PAQR7: variants seen among roughly 807,000 people sequenced by gnomAD.
PAQR7 encodes membrane progestin receptor alpha.
Under a neutral mutation model 24.6 loss-of-function variants are expected in PAQR7, and 14 were observed. The ratio of observed to expected loss-of-function variants is 0.57; its 90% CI spans 0.38 to 0.89. PAQR7 has a LOEUF of 0.89. Among genes scored for constraint, PAQR7 ranks in the 40% least tolerant of loss-of-function variants. The pLI is 0.00. For missense variants in PAQR7, 351 were observed against 444.0 expected (o/e 0.79, Z 1.88); for synonymous variants, 189 against 198.8 (o/e 0.95, Z 0.42).
Position 25,863,735 on chromosome 1 carries a change from T to C in PAQR7, c.105A>G (p.Arg35=), listed in dbSNP as rs1444187940. The C allele has an allele frequency of 1.2e-6, 2 of 1,613,558 alleles. No homozygotes were observed. Among genetic ancestry groups the C allele is most frequent in the Non-Finnish European group, 1.7e-6 (2 of 1,179,916 alleles). ...TCCAGAAGAGCGGCGGCACCTCAGC[T>C]CGATCCACCGTGAAGACAGGCTCTG... ...LQPEPVFTVD[R]AEVPPLFWKP... is the part of the protein sequence containing the mutation. Residue 35 remains arginine (R), a synonymous_variant, in exon 3 of 3, where the codon CGA becomes CGG. Transcript: ENST00000675840. The surrounding 1 kb of genome is among the most constrained non-coding windows in gnomAD (Gnocchi z 6.1).
rs534941928 is a variant in PAQR7, at chr1:25,864,931, C to T, written c.-22-1070G>A. On this transcript the variant is annotated intron_variant, in intron 2 of 2. Coordinates refer to ENST00000675840, the MANE Select transcript of PAQR7 (RefSeq NM_178422.6). ...CAGCACTTTGGGAGGCTGAGACGGGCGGATCACAAGGTCAGGAGATGGAGA... is the reference window on the plus strand; with the variant it reads ...CAGCACTTTGGGAGGCTGAGACGGGTGGATCACAAGGTCAGGAGATGGAGA... Among the ~76,000 whole-genome samples the T allele has an allele frequency of 7.9e-5, 12 of 151,834 alleles. No homozygotes were observed. The South Asian group carries it at 8.4e-4, about 11-fold the overall frequency.
rs780607212 is a variant in PAQR7 at position 25,863,702 on chromosome 1, G to A, written c.138C>T (p.Tyr46=). Residue 46 remains tyrosine (Y), a synonymous_variant, in exon 3 of 3, where the codon TAC becomes TAT. Transcript: ENST00000675840. The surrounding 1 kb of genome is among the most constrained non-coding windows in gnomAD (Gnocchi z 6.1). ...AEVPPLFWKP[Y]IYAGYRPLHQ... is the part of the protein sequence containing the mutation. ...GCAGCGGCCGGTAGCCCGCATAGAT[G>A]TACGGCTTCCAGAAGAGCGGCGGCA... 3.1e-6 allele frequency: 5 copies of A among 1,614,206 alleles called. No individual in the cohort carries two copies. The Admixed American group carries it at 5.0e-5, about 16-fold the overall frequency.
rs549972771 is a variant in PAQR7, at chr1:25,864,824, T to C, written c.-22-963A>G. On this transcript the variant is annotated intron_variant, in intron 2 of 2. Coordinates refer to ENST00000675840, the MANE Select transcript of PAQR7 (RefSeq NM_178422.6). ...CTGATCACACTACTACTCTCAAGCT[T>C]GATCAAGCTTGATCTCAAGCGAGAT... 6.6e-5 allele frequency among the ~76,000 whole-genome samples: 10 copies of C among 151,946 alleles called. No individual in the cohort carries two copies. The South Asian group carries it at 2.1e-3, about 32-fold the overall frequency.
intron 1 of PAQR7, 79 bp from the exon 2 acceptor site, chr1:25,870,773 G>T: frequency 6.6e-6 from 1 of 152,166 alleles, no homozygotes; most frequent in East Asian, 1.9e-4. Flanking sequence ...CAGAGCAGAT[G>T]GACTTCAGAT....
rs72879469 is a variant in PAQR7 at position 25,863,960 on chromosome 1, C to T, written c.-22-99G>A. On this transcript the variant is annotated intron_variant, in intron 2 of 2. Transcript: ENST00000675840. The surrounding 1 kb of genome is among the most constrained non-coding windows in gnomAD (Gnocchi z 6.1). ...TGCCCAAATCCTACTCCCTCCTCTC[C>T]GACAGCCTTATCCTTACACTCGGTT... 7,543 of 844,586 alleles carry T rather than the reference C, an allele frequency of 8.9e-3. 299 individuals carry two copies. The African/African-American group carries it at 0.094, about 11-fold the overall frequency. 52.3% of individuals were successfully genotyped at this position (844,586 alleles called of 1,614,324 possible). A position where few individuals can be genotyped will look rare whatever the true frequency, so the allele number is the denominator to read the frequency against.
Position 25,863,657 on chromosome 1 carries a change from A to G in PAQR7, c.183T>C (p.Tyr61=). Residue 61 remains tyrosine (Y), a synonymous_variant, in exon 3 of 3, where the codon TAT becomes TAC. Coordinates refer to ENST00000675840, the MANE Select transcript of PAQR7 (RefSeq NM_178422.6). The surrounding 1 kb of genome is among the most constrained non-coding windows in gnomAD (Gnocchi z 6.1). ...YRPLHQTWRF[Y]FRTLFQQHNE... ...TGTGCTGCTGGAACAGCGTGCGGAA[A>G]TAGAAGCGCCAGGTCTGATGCAGCG... 6.2e-7 allele frequency: 1 copy of G among 1,614,164 alleles called. No homozygotes were observed.
chr1:25,871,400 T>A (rs1457964779), intron 1 of PAQR7: 1 of 152,226 alleles, frequency 6.6e-6, no homozygotes, highest in East Asian at 1.9e-4. Flanking sequence ...TAGCAGGTGA[T>A]CCAAATGGCA....
intron 2 of PAQR7, among the ~76,000 whole-genome samples, chr1:25,867,133 C>G (rs888007626): frequency 2.6e-5 from 4 of 152,162 alleles, no homozygotes; most frequent in Non-Finnish European, 5.9e-5. Flanking sequence ...TCAAGCAATC[C>G]TCCTATCAGC....
chr1:25,868,480 A>C (rs895631236), intron 2 of PAQR7, among the ~76,000 whole-genome samples: 7 of 151,008 alleles, frequency 4.6e-5, no homozygotes, highest in Non-Finnish European at 1.0e-4. Context: ...AGGCCGAGGC[A>C]GGTGGATCAC....
At chr1:25,874,532 T>G (rs1180288277) in intron 1 of PAQR7, among the ~76,000 whole-genome samples, 2 of 152,128 alleles carry the variant, frequency 1.3e-5, no homozygotes, top group African/African-American at 4.8e-5. Flanking sequence ...AAACTAAGGC[T>G]GGAGAGGGGC....
At chr1:25,865,081 A>G (rs1183825662) in intron 2 of PAQR7, among the ~76,000 whole-genome samples, 2 of 147,778 alleles carry the variant, frequency 1.4e-5, no homozygotes, top group Non-Finnish European at 3.0e-5. Context: ...GCGTGAACCC[A>G]GGGGGCGGAG....
At chr1:25,868,107 C>T (rs148505520) in intron 2 of PAQR7, among the ~76,000 whole-genome samples, 1 of 152,230 alleles carries the variant, frequency 6.6e-6, no homozygotes, top group South Asian at 2.1e-4. Context: ...ATCTGGCCCC[C>T]ACTCTTGTCC....
In PAQR7 at chr1:25,862,805, G is replaced by A; in HGVS notation, c.1035C>T (p.Thr345=). ...TACCAGATGCCATCCCCCTTCACTT[G>A]GTCTTCTGATCAAGTTTGCGCTGTA... ...QLVQRKLDQK[T]K Residue 345 remains threonine, a synonymous_variant, in exon 3 of 3, where the codon ACC becomes ACT. Coordinates refer to ENST00000675840, the MANE Select transcript of PAQR7 (RefSeq NM_178422.6). 4 of 1,612,516 alleles carry A rather than the reference G, an allele frequency of 2.5e-6. No individual in the cohort carries two copies. Among genetic ancestry groups the A allele is most frequent in the Non-Finnish European group, 3.4e-6 (4 of 1,178,942 alleles).
At chr1:25,870,348 T>C (rs2048593712) in intron 2 of PAQR7, among the ~76,000 whole-genome samples, 1 of 152,146 alleles carries the variant, frequency 6.6e-6, no homozygotes, top group Admixed American at 6.6e-5. Flanking sequence ...ATTCACCAGA[T>C]GCTGAGCACT....
Position 25,865,909 on chromosome 1 carries a change from C to G in PAQR7, c.-22-2048G>C, listed in dbSNP as rs189509377. On this transcript the variant is annotated intron_variant, in intron 2 of 2. Coordinates refer to ENST00000675840, the MANE Select transcript of PAQR7 (RefSeq NM_178422.6). ...GCTGAGGCAGGAGAATTACTTGAAC[C>G]AAGGAGGCGTAGGTTGCGGTGAGCC... Among the ~76,000 whole-genome samples, 393 of 151,550 alleles carry G rather than the reference C, an allele frequency of 2.6e-3. 2 individuals are homozygous for G. Among genetic ancestry groups the G allele is most frequent in the Non-Finnish European group, 3.9e-3 (262 of 67,908 alleles).
intron 1 of PAQR7, chr1:25,870,929 T>C (rs1258853667): frequency 6.6e-6 from 1 of 152,226 alleles, no homozygotes; most frequent in East Asian, 1.9e-4. Flanking sequence ...TTAAATTTAT[T>C]AGAACAAAGT....
rs145283590 is a variant in PAQR7 at position 25,866,398 on chromosome 1, G to C, written c.-22-2537C>G. Among the ~76,000 whole-genome samples the C allele has an allele frequency of 1.9e-3, 290 of 152,226 alleles. 2 individuals are homozygous for C. Among genetic ancestry groups the C allele is most frequent in the African/African-American group, 6.6e-3 (275 of 41,526 alleles). ...ATAATGGGTTACACAGTTTAACCTT[G>C]ATTCATTCATTTAACAAACACTTAC... On this transcript the variant is annotated intron_variant, in intron 2 of 2. Transcript: ENST00000675840.
chr1:25,864,382 C>T (rs2048539725), intron 2 of PAQR7, among the ~76,000 whole-genome samples: 1 of 152,128 alleles, frequency 6.6e-6, no homozygotes, highest in Non-Finnish European at 1.5e-5. Flanking sequence ...CCCTGCATGA[C>T]CTGGTCCCTG....
chr1:25,873,864 C>A (rs763836211), intron 1 of PAQR7, among the ~76,000 whole-genome samples: 14 of 152,110 alleles, frequency 9.2e-5, no homozygotes, highest in Non-Finnish European at 1.6e-4. Context: ...AGCCACTGTG[C>A]CCAGCCTAAT....
Sources: allele counts gnomAD v4.1 joint callset (sites outside exome capture counted in the v4.1 genomes callset), GRCh38; gene constraint gnomAD v4.1.1; non-coding constraint Gnocchi (gnomAD v3.1); transcripts MANE v1.5; gene names NCBI Gene and HGNC (gene_info 2026-07-23, HGNC 2026-07-21).